RANBP2: variants seen among roughly 807,000 people sequenced by gnomAD.
RANBP2 encodes the protein RAN binding protein 2, also known as E3 SUMO-protein ligase RanBP2.
In RANBP2, 57 loss-of-function variants were observed where a neutral mutation model predicts 303.6. The observed-to-expected ratio is 0.19, with a 90% CI of 0.15 to 0.23. The LOEUF is 0.23. RANBP2 is among the 10% of genes least tolerant of loss of function. The probability of loss-of-function intolerance (pLI) is 1.00; values close to 1 mark genes in which losing one functional copy is unlikely to be tolerated. For missense variants in RANBP2, 3,138 were observed against 3,780.8 expected, an observed-to-expected ratio of 0.83 and a Z score of 4.46; for synonymous variants, 1,167 against 1,301.5, an observed-to-expected ratio of 0.90 and a Z score of 2.23.
chr2:109,250,786 T>G, the RANBP2 span, among the ~76,000 whole-genome samples: 1 of 151,902 alleles, frequency 6.6e-6, no homozygotes, highest in Non-Finnish European at 1.5e-5. Context: ...AAAAAGTGCT[T>G]CAATAGGGAA....
At chr2:109,673,876 G>GT in the RANBP2 span, among the ~76,000 whole-genome samples, 11 of 152,198 alleles carry the variant, frequency 7.2e-5, no homozygotes, top group East Asian at 1.7e-3. Flanking sequence ...ATATTTTCAG[G>GT]TTTTTTCCCC....
the RANBP2 span, chr2:108,906,454 A>G: frequency 7.1e-7 from 1 of 1,414,258 alleles, no homozygotes; most frequent in Non-Finnish European, 1.0e-6. Context: ...AGGGGCAGGC[A>G]GCAGCTACGC....
chr2:109,027,510 G>T, the RANBP2 span, among the ~76,000 whole-genome samples: 2 of 152,146 alleles, frequency 1.3e-5, no homozygotes, highest in Non-Finnish European at 2.9e-5. Context: ...GAAGGCACAG[G>T]CTCTGAGCCT....
the RANBP2 span, among the ~76,000 whole-genome samples, chr2:108,816,409 G>A: frequency 6.6e-6 from 1 of 152,014 alleles, no homozygotes; most frequent in Admixed American, 6.6e-5. Context: ...CAAGATTGCA[G>A]CACTGCACTC....
At chr2:109,684,381 C>T in the RANBP2 span, among the ~76,000 whole-genome samples, 452 of 151,422 alleles carry the variant, frequency 3.0e-3, 2 homozygotes, top group South Asian at 0.018. Context: ...GTTGGGATTA[C>T]AGGCATGTGC....
the RANBP2 span, among the ~76,000 whole-genome samples, chr2:109,513,368 T>C: frequency 6.7e-6 from 1 of 149,262 alleles, no homozygotes; most frequent in Non-Finnish European, 1.5e-5. Flanking sequence ...ACACCTCCCG[T>C]ATGCACACAC....
the RANBP2 span, among the ~76,000 whole-genome samples, chr2:109,477,447 G>A: frequency 3.3e-5 from 5 of 152,188 alleles, no homozygotes; most frequent in African/African-American, 4.8e-5. Context: ...GTCCCGAAAC[G>A]GGCATAGAGT....
the RANBP2 span, chr2:109,545,969 G>GT: frequency 2.0e-6 from 3 of 1,493,680 alleles, no homozygotes; most frequent in Admixed American, 7.1e-5. Flanking sequence ...GGAAGCAGAA[G>GT]TAAGAAGCGC....
chr2:109,181,047 C>T, the RANBP2 span, among the ~76,000 whole-genome samples: 12 of 152,148 alleles, frequency 7.9e-5, no homozygotes, highest in Admixed American at 6.5e-4. Flanking sequence ...GATGGCCAGC[C>T]CGCTGTGCAC....
chr2:109,369,986 A>G, the RANBP2 span, among the ~76,000 whole-genome samples: 1 of 152,200 alleles, frequency 6.6e-6, no homozygotes, highest in African/African-American at 2.4e-5. Context: ...TCTCTTGGCC[A>G]TCTCCTCCTT....
At chr2:109,228,688 A>G in the RANBP2 span, among the ~76,000 whole-genome samples, 1 of 152,110 alleles carries the variant, frequency 6.6e-6, no homozygotes, top group South Asian at 2.1e-4. Flanking sequence ...GGGCATGATA[A>G]AAGATACAGG....
At chr2:108,852,714 A>G in the RANBP2 span, among the ~76,000 whole-genome samples, 1 of 152,150 alleles carries the variant, frequency 6.6e-6, no homozygotes, top group African/African-American at 2.4e-5. Context: ...GAACACATGG[A>G]TACATAAGGG....
chr2:109,466,208 G>C, the RANBP2 span, among the ~76,000 whole-genome samples: 19 of 147,806 alleles, frequency 1.3e-4, no homozygotes, highest in Non-Finnish European at 2.5e-4. Flanking sequence ...TCAGCCTCCC[G>C]AGTAGCTGGG....
chr2:109,627,882 C>T, the RANBP2 span, among the ~76,000 whole-genome samples: 4 of 152,316 alleles, frequency 2.6e-5, no homozygotes, highest in South Asian at 2.1e-4. Context: ...ACAATTTATC[C>T]CTTCAACAGT....
Position 108,753,847 on chromosome 2 carries a change from A to T in RANBP2, c.2078A>T (p.Asp693Val). Residue 693 changes from aspartate to valine, a missense_variant, in exon 15 of 29, where the codon GAC (aspartate) becomes GTC (valine). By Grantham distance (152) the Asp-to-Val change is radical. Around this residue, in one of 20 missense-constraint regions of RANBP2, gnomAD observed 194 missense variants for 197.4 expected, o/e 0.98. Coordinates refer to ENST00000283195, the MANE Select transcript of RANBP2 (RefSeq NM_006267.5). ...LALIFHRKAE[D>V]IENDALSPEE... Reference sequence around the variant, plus strand: ...TAGATTTTTCACAGGAAGGCAGAAGACATTGAAAATGATGCCCTTTCTCCT... The same window carrying T: ...TAGATTTTTCACAGGAAGGCAGAAGTCATTGAAAATGATGCCCTTTCTCCT... 2 of 1,612,038 alleles carry T rather than the reference A, an allele frequency of 1.2e-6. No homozygotes were observed. Among genetic ancestry groups the T allele is most frequent in the Non-Finnish European group, 1.7e-6 (2 of 1,179,852 alleles).
In RANBP2 at chr2:108,784,399, G is replaced by T; in HGVS notation, c.*498G>T. ...AATGGGTAGAGCCACAGAACGTATA[G>T]AGTTAACCAAAGTGCTCTTCTCTAG... On this transcript the variant is annotated 3_prime_UTR_variant, in exon 29 of 29. Transcript: ENST00000283195. 1 of 155,514 alleles carries T rather than the reference G, an allele frequency of 6.4e-6. No homozygotes were observed. Among genetic ancestry groups the T allele is most frequent in the Non-Finnish European group, 1.4e-5 (1 of 69,758 alleles). 9.6% of individuals were successfully genotyped at this position (155,514 alleles called of 1,614,324 possible). A position where few individuals can be genotyped will look rare whatever the true frequency, so the allele number is the denominator to read the frequency against.
chr2:109,555,604 G>A, the RANBP2 span, among the ~76,000 whole-genome samples: 1 of 152,202 alleles, frequency 6.6e-6, no homozygotes. Flanking sequence ...CCATCCAGAA[G>A]GAATGCTGAG....
the RANBP2 span, among the ~76,000 whole-genome samples, chr2:109,283,256 C>G: frequency 6.6e-6 from 1 of 152,218 alleles, no homozygotes; most frequent in South Asian, 2.1e-4. Context: ...TGGGCCATGG[C>G]CACAGCCTTC....
chr2:109,374,625 A>G, the RANBP2 span, among the ~76,000 whole-genome samples: 75 of 152,296 alleles, frequency 4.9e-4, no homozygotes, highest in Non-Finnish European at 2.4e-4. Context: ...AGTCCCGGTG[A>G]TGCTTGTCCC....
Sources: gnomAD v4.1 joint callset for allele counts (sites outside exome capture counted in the v4.1 genomes callset) on GRCh38, gnomAD v4.1.1 for gene constraint, gnomAD v4.1.1 regional missense constraint, MANE v1.5 for transcripts, NCBI Gene and HGNC (gene_info 2026-07-23, HGNC 2026-07-21) for gene names.